PWWP2A: variants seen among roughly 807,000 people sequenced by gnomAD.
PWWP2A encodes the protein PWWP domain-containing protein 2A.
Under a neutral mutation model 48.5 loss-of-function variants are expected in PWWP2A, and 18 were observed. The ratio of observed to expected loss-of-function variants is 0.37; its 90% CI spans 0.26 to 0.55. The LOEUF (loss-of-function observed/expected upper bound fraction) is 0.55. Among genes scored for constraint, PWWP2A ranks in the 20% least tolerant of loss-of-function variants. The probability of loss-of-function intolerance (pLI) is 0.81; values close to 1 mark genes in which losing one functional copy is unlikely to be tolerated. For synonymous variants in PWWP2A, 396 were observed against 387.7 expected, an observed-to-expected ratio of 1.02 and a Z score of -0.25; for missense variants, 867 against 976.4, an observed-to-expected ratio of 0.89 and a Z score of 1.49.
At chr5:160,112,897 C>A (rs1469995345) in intron 1 of PWWP2A, among the ~76,000 whole-genome samples, 1 of 152,184 alleles carries the variant, frequency 6.6e-6, no homozygotes, top group Admixed American at 6.5e-5. Context: ...GTGGCTCACA[C>A]CTGTAATCCC....
chr5:160,059,949 C>T (rs559573632), downstream of PWWP2A, among the ~76,000 whole-genome samples: 2 of 152,296 alleles, frequency 1.3e-5, no homozygotes, highest in Non-Finnish European at 2.9e-5. Context: ...GTAAAAAACA[C>T]AATATCTGTA....
downstream of PWWP2A, among the ~76,000 whole-genome samples, chr5:160,074,713 T>G (rs943773975): frequency 3.3e-5 from 5 of 151,052 alleles, no homozygotes; most frequent in African/African-American, 9.7e-5. Context: ...GCCATTGCAC[T>G]CCAGCCTGGG....
At chr5:160,097,300 G>T (rs912731652) in intron 1 of PWWP2A, among the ~76,000 whole-genome samples, 1 of 123,408 alleles carries the variant, frequency 8.1e-6, no homozygotes, top group Non-Finnish European at 1.6e-5. Flanking sequence ...TCGCGCTATC[G>T]CACTCCAGCC....
At chr5:160,068,352 C>T (rs567709544) in intron 2 of PWWP2A, among the ~76,000 whole-genome samples, 1 of 152,306 alleles carries the variant, frequency 6.6e-6, no homozygotes, top group East Asian at 1.9e-4. Context: ...GTAATCCCAG[C>T]ACTCTAGGAG....
downstream of PWWP2A, among the ~76,000 whole-genome samples, chr5:160,057,405 TA>T (rs879376544): frequency 1.4e-3 from 202 of 144,350 alleles, 1 homozygote; most frequent in South Asian, 4.2e-3. The surrounding 1 kb of genome is among the most constrained non-coding windows in gnomAD (Gnocchi z 4.4). Context: ...GCACTGTGTC[TA>T]AAAAAAAAAA....
chr5:160,049,530 C>A, the PWWP2A span: 1 of 1,573,372 alleles, frequency 6.4e-7, no homozygotes, highest in Non-Finnish European at 8.6e-7. Context: ...AATTAAACCC[C>A]AGCTATATCA....
chr5:160,116,918 C>T (rs557194546), intron 1 of PWWP2A: 20 of 197,122 alleles, frequency 1.0e-4, no homozygotes, highest in Admixed American at 2.6e-4. Context: ...CATGGTGAAA[C>T]CCCATCTCTA....
At chr5:160,109,454 TTATAAC>T (rs1218707895) in intron 1 of PWWP2A, among the ~76,000 whole-genome samples, 3 of 152,030 alleles carry the variant, frequency 2.0e-5, no homozygotes, top group Non-Finnish European at 4.4e-5. Flanking sequence ...CCAGGTGGCT[TTATAAC>T]TATGAGGAGT....
the PWWP2A span, among the ~76,000 whole-genome samples, chr5:160,050,628 T>A: frequency 9.3e-5 from 1 of 10,794 alleles, no homozygotes; most frequent in African/African-American, 2.6e-4. Context: ...CAAACAAAAC[T>A]TTTTTTTTTT....
chr5:160,088,532 G>A (rs1754822203), downstream of PWWP2A, among the ~76,000 whole-genome samples: 1 of 152,164 alleles, frequency 6.6e-6, no homozygotes, highest in Admixed American at 6.5e-5. Flanking sequence ...TTACAGGCAT[G>A]AGCTACCGTG....
chr5:160,049,193 T>C, the PWWP2A span, among the ~76,000 whole-genome samples: 1 of 152,244 alleles, frequency 6.6e-6, no homozygotes, highest in African/African-American at 2.4e-5. Flanking sequence ...GTGAAAATTA[T>C]GTGAACTTAA....
chr5:160,045,520 A>ACACACACTCTCTCTCT, the PWWP2A span, among the ~76,000 whole-genome samples: 1 of 54,884 alleles, frequency 1.8e-5, no homozygotes, highest in Non-Finnish European at 3.3e-5. Flanking sequence ...ACACATACAC[A>ACACACACTCTCTCTCT]CTCTCTCTCT....
intron 2 of PWWP2A, among the ~76,000 whole-genome samples, chr5:160,082,317 G>C (rs992303824): frequency 1.3e-5 from 2 of 151,756 alleles, no homozygotes; most frequent in South Asian, 2.1e-4. Flanking sequence ...GGTAGCGGGC[G>C]CCTGTAGTCC....
chr5:160,114,057 C>G (rs1464587386), intron 1 of PWWP2A, among the ~76,000 whole-genome samples: 1 of 152,176 alleles, frequency 6.6e-6, no homozygotes, highest in African/African-American at 2.4e-5. Flanking sequence ...AATGGACCCT[C>G]ATAGAAAGCT....
At chr5:160,047,952 G>A in the PWWP2A span, among the ~76,000 whole-genome samples, 1 of 152,118 alleles carries the variant, frequency 6.6e-6, no homozygotes, top group South Asian at 2.1e-4. Flanking sequence ...TACTAGAATA[G>A]CATAAGGCTT....
At chr5:160,061,204 C>T (rs1010544619), downstream of PWWP2A, among the ~76,000 whole-genome samples, 2 of 152,234 alleles carry the variant, frequency 1.3e-5, no homozygotes, top group Non-Finnish European at 2.9e-5. Flanking sequence ...CTTGCACGGA[C>T]AGCACCTCTG....
chr5:160,074,805 T>G (rs377241098), downstream of PWWP2A, among the ~76,000 whole-genome samples: 4 of 149,288 alleles, frequency 2.7e-5, no homozygotes, highest in South Asian at 2.1e-4. Flanking sequence ...CTTATTCTGA[T>G]AAAAGAATCA....
intron 2 of PWWP2A, among the ~76,000 whole-genome samples, chr5:160,081,391 A>C (rs1471871803): frequency 6.6e-6 from 1 of 152,032 alleles, no homozygotes; most frequent in Admixed American, 6.5e-5. Context: ...GGCGCCCGCC[A>C]CCACACCTGG....
At chr5:160,062,768 A>T (rs1209491261) in intron 5 of PWWP2A, among the ~76,000 whole-genome samples, 1 of 151,378 alleles carries the variant, frequency 6.6e-6, no homozygotes, top group East Asian at 1.9e-4. Flanking sequence ...AGAGCCAAGG[A>T]TTTCCCAGTA....
Sources: gnomAD v4.1 joint callset for allele counts (sites outside exome capture counted in the v4.1 genomes callset) on GRCh38, gnomAD v4.1.1 for gene constraint, Gnocchi (gnomAD v3.1) non-coding constraint, MANE v1.5 for transcripts, NCBI Gene and HGNC (gene_info 2026-07-23, HGNC 2026-07-21) for gene names.